SAMD3: variants seen among roughly 807,000 people sequenced by gnomAD.
SAMD3 encodes sterile alpha motif domain-containing protein 3.
Under a neutral mutation model 58.5 loss-of-function variants are expected in SAMD3, and 63 were observed. That is an observed-to-expected ratio of 1.08 (90% CI 0.88 to 1.33). The LOEUF is 1.33. Among genes scored for constraint, SAMD3 ranks in the 40% most tolerant of loss-of-function variants. The probability of loss-of-function intolerance (pLI) is 0.00; values close to 1 mark genes in which losing one functional copy is unlikely to be tolerated. For synonymous variants in SAMD3, 220 were observed against 210.3 expected (o/e 1.05, Z -0.40); for missense variants, 604 against 608.4 (o/e 0.99, Z 0.08).
chr6:130,150,279 A>G (rs1044523042), intron 9 of SAMD3, among the ~76,000 whole-genome samples: 1 of 152,166 alleles, frequency 6.6e-6, no homozygotes, highest in Non-Finnish European at 1.5e-5. Flanking sequence ...AGCACCAGCT[A>G]GGTGGCAATA....
chr6:130,263,816 A>G (rs943732708), intron 2 of SAMD3, among the ~76,000 whole-genome samples: 61 of 151,964 alleles, frequency 4.0e-4, no homozygotes, highest in Admixed American at 3.9e-3. Context: ...TAATCGGGGG[A>G]GATTTCGATA....
chr6:130,291,238 C>A (rs1775351059), intron 2 of SAMD3, among the ~76,000 whole-genome samples: 1 of 152,126 alleles, frequency 6.6e-6, no homozygotes, highest in African/African-American at 2.4e-5. Context: ...TTACAGGCAC[C>A]TGCCACCACA....
chr6:130,348,250 A>G (rs550525309), intron 1 of SAMD3, among the ~76,000 whole-genome samples: 1 of 152,324 alleles, frequency 6.6e-6, no homozygotes, highest in Admixed American at 6.5e-5. Context: ...ATGTAAATGG[A>G]TTAAATGCTC....
chr6:130,229,456 T>G (rs1796478766), intron 2 of SAMD3, among the ~76,000 whole-genome samples: 1 of 152,168 alleles, frequency 6.6e-6, no homozygotes, highest in African/African-American at 2.4e-5. Context: ...AGCCATGAAC[T>G]TAGTATTCAT....
intron 8 of SAMD3, among the ~76,000 whole-genome samples, chr6:130,157,923 A>C (rs1163256163): frequency 7.1e-6 from 1 of 140,284 alleles, no homozygotes; most frequent in Non-Finnish European, 1.5e-5. Context: ...TAGAAAATAC[A>C]ATTTTTTACA....
At chr6:130,236,476 C>T (rs1174412521) in intron 2 of SAMD3, among the ~76,000 whole-genome samples, 3 of 151,982 alleles carry the variant, frequency 2.0e-5, no homozygotes, top group African/African-American at 7.3e-5. Flanking sequence ...CCCCGCCTCC[C>T]GGGTTGAAGC....
chr6:130,321,298 C>T (rs1415801946), intron 1 of SAMD3, among the ~76,000 whole-genome samples: 18 of 152,126 alleles, frequency 1.2e-4, no homozygotes, highest in Admixed American at 1.2e-3. Context: ...CCAGTGAGCA[C>T]CTGGGGCTTG....
intron 8 of SAMD3, among the ~76,000 whole-genome samples, chr6:130,168,413 C>A (rs1419463390): frequency 6.6e-6 from 1 of 152,020 alleles, no homozygotes; most frequent in East Asian, 1.9e-4. Flanking sequence ...CCAGCCTGGG[C>A]GACGAGTGAA....
At chr6:130,258,369 T>A (rs1773997524) in intron 2 of SAMD3, among the ~76,000 whole-genome samples, 1 of 152,198 alleles carries the variant, frequency 6.6e-6, no homozygotes, top group Non-Finnish European at 1.5e-5. Context: ...GTCTAGTCTA[T>A]TTACATTTAT....
chr6:130,202,384 T>A (rs1794720625), intron 5 of SAMD3, among the ~76,000 whole-genome samples: 1 of 152,196 alleles, frequency 6.6e-6, no homozygotes, highest in Admixed American at 6.5e-5. Flanking sequence ...TATAACCTAA[T>A]GTTATATTTA....
At chr6:130,308,564 AAGAT>A (rs1482229350) in intron 2 of SAMD3, among the ~76,000 whole-genome samples, 1 of 151,948 alleles carries the variant, frequency 6.6e-6, no homozygotes, top group Non-Finnish European at 1.5e-5. Flanking sequence ...GACCTTGTAA[AAGAT>A]AGATAAAATG....
intron 5 of SAMD3, among the ~76,000 whole-genome samples, chr6:130,197,179 T>A (rs993978154): frequency 6.6e-6 from 1 of 152,250 alleles, no homozygotes; most frequent in Non-Finnish European, 1.5e-5. Flanking sequence ...TTTGAGCTCC[T>A]GTATAGACGC....
At chr6:130,203,075 C>A (rs1794788193) in intron 5 of SAMD3, among the ~76,000 whole-genome samples, 1 of 152,212 alleles carries the variant, frequency 6.6e-6, no homozygotes, top group South Asian at 2.1e-4. Context: ...GCATATGCTC[C>A]TCTTGTCTGG....
intron 1 of SAMD3, among the ~76,000 whole-genome samples, chr6:130,322,379 G>A (rs531313829): frequency 9.2e-5 from 14 of 152,208 alleles, no homozygotes; most frequent in Non-Finnish European, 1.9e-4. Context: ...TAGATTGTAG[G>A]ACGAGTAAGA....
At chr6:130,156,007 G>A (rs929466809) in intron 8 of SAMD3, among the ~76,000 whole-genome samples, 2 of 152,102 alleles carry the variant, frequency 1.3e-5, no homozygotes, top group Admixed American at 6.6e-5. Flanking sequence ...CTTAACTTTT[G>A]AAACAGAGTG....
chr6:130,248,179 CGTGTGTGTGTGTGTGTGTGT>C lies in SAMD3; in HGVS notation c.-187-25386_-187-25367del, dbSNP rs71810571. ...AATCATTTCATTTTTAAGTGTTTTG[CGTGTGTGTGTGTGTGTGTGT>C]GTGTGTGTGTGTGTTCCAATCTGAA... is the stretch of plus-strand genomic sequence containing the variant. On this transcript the variant is annotated intron_variant, in intron 2 of 13. Transcript: ENST00000368134. 4.4e-3 allele frequency among the ~76,000 whole-genome samples: 645 copies of C among 146,390 alleles called. 6 individuals carry two copies. Among genetic ancestry groups the C allele is most frequent in the African/African-American group, 0.016 (622 of 40,078 alleles).
At chr6:130,315,560 C>T (rs9492537) in intron 1 of SAMD3, among the ~76,000 whole-genome samples, 64,595 of 151,854 alleles carry the variant, frequency 0.43, 15,319 homozygotes, top group African/African-American at 0.64. Context: ...ATGTACTACA[C>T]GAATTTAAAT....
intron 1 of SAMD3, among the ~76,000 whole-genome samples, chr6:130,314,578 G>C (rs1320347285): frequency 1.3e-5 from 2 of 152,184 alleles, no homozygotes; most frequent in Admixed American, 6.5e-5. Flanking sequence ...TTATTGATGA[G>C]AGAGCTCAAT....
rs76060700 is a variant in SAMD3 at position 130,362,478 on chromosome 6, T to C, written c.-304+2642A>G. 4.1e-3 allele frequency among the ~76,000 whole-genome samples: 619 copies of C among 152,322 alleles called. 5 individuals are homozygous for C. Among genetic ancestry groups the C allele is most frequent in the African/African-American group, 0.014 (575 of 41,558 alleles). On this transcript the variant is annotated intron_variant, in intron 1 of 13. Coordinates refer to the SAMD3 transcript ENST00000368134. ...AGGTAGATTCTTGCAACAAAAACAG[T>C]CAAAATCTTTAAAAAGTAATTTTTG... is the stretch of plus-strand genomic sequence containing the variant.
Sources: gnomAD v4.1 joint callset for allele counts (sites outside exome capture counted in the v4.1 genomes callset) on GRCh38, gnomAD v4.1.1 for gene constraint, MANE v1.5 for transcripts, NCBI Gene and HGNC (gene_info 2026-07-23, HGNC 2026-07-21) for gene names.